ZNF469: variants seen among roughly 807,000 people sequenced by gnomAD.
The protein encoded by ZNF469 is zinc finger protein 469.
Under a neutral mutation model 1.0 loss-of-function variants are expected in ZNF469, and 1 was observed. The ratio of observed to expected loss-of-function variants is 1.00; its 90% CI spans 0.35 to 4.73. The LOEUF is 4.73. ZNF469 is among the 30% of genes most tolerant of loss of function. The probability of loss-of-function intolerance (pLI) is 0.16; values close to 1 mark genes in which losing one functional copy is unlikely to be tolerated. For synonymous variants in ZNF469, 2,703 were observed against 2,363.4 expected, an observed-to-expected ratio of 1.14 and a Z score of -4.17; for missense variants, 6,100 against 5,356.3, an observed-to-expected ratio of 1.14 and a Z score of -4.33.
chr16:88,396,527 C>CA (rs1904667489), intron 1 of ZNF469, among the ~76,000 whole-genome samples: 1 of 146,956 alleles, frequency 6.8e-6, no homozygotes, highest in Admixed American at 6.7e-5. Context: ...GGAGACCCGT[C>CA]TGAAGGGAGG....
At chr16:88,422,258 GAT>G (rs1428961241) in intron 1 of ZNF469, among the ~76,000 whole-genome samples, 2 of 150,890 alleles carry the variant, frequency 1.3e-5, no homozygotes, top group African/African-American at 4.9e-5. Context: ...AGCATGGATG[GAT>G]GGGTGGATGG....
the ZNF469 span, among the ~76,000 whole-genome samples, chr16:88,150,960 G>T: frequency 1.3e-5 from 2 of 152,298 alleles, no homozygotes; most frequent in African/African-American, 4.8e-5. Context: ...TCGAGCCATG[G>T]AGTTTGAAAG....
At chr16:88,358,227 G>T in the ZNF469 span, among the ~76,000 whole-genome samples, 2 of 152,198 alleles carry the variant, frequency 1.3e-5, no homozygotes, top group Non-Finnish European at 2.9e-5. Context: ...AACAGACTCA[G>T]CTCGGACCCC....
the ZNF469 span, among the ~76,000 whole-genome samples, chr16:88,186,736 C>T: frequency 0.013 from 2,042 of 152,296 alleles, 63 homozygotes; most frequent in African/African-American, 0.047. Flanking sequence ...GTGTGCAAGC[C>T]GCTCCGTGTT....
chr16:88,240,183 G>A, the ZNF469 span, among the ~76,000 whole-genome samples: 2 of 152,156 alleles, frequency 1.3e-5, no homozygotes, highest in Non-Finnish European at 2.9e-5. Flanking sequence ...TCAGCAGTGG[G>A]AGGTGCTCCC....
At chr16:88,375,846 G>C in the ZNF469 span, among the ~76,000 whole-genome samples, 1 of 152,214 alleles carries the variant, frequency 6.6e-6, no homozygotes, top group African/African-American at 2.4e-5. Flanking sequence ...GGAACGACTG[G>C]GCTCCAGCAG....
At chr16:88,334,844 CAT>C in the ZNF469 span, among the ~76,000 whole-genome samples, 5 of 151,938 alleles carry the variant, frequency 3.3e-5, no homozygotes, top group Admixed American at 6.5e-5. Context: ...CGGGAGGACA[CAT>C]GTGACAGAGA....
At chr16:88,382,063 G>A (rs1212573504), upstream of ZNF469, among the ~76,000 whole-genome samples, 1 of 152,228 alleles carries the variant, frequency 6.6e-6, no homozygotes. Flanking sequence ...TCCCCCCACT[G>A]CCACCCTATT....
rs1423135103 is a variant in ZNF469 at position 88,428,374 on chromosome 16, C to G, written c.904C>G (p.Leu302Val). 6.5e-7 allele frequency: 1 copy of G among 1,548,664 alleles called. No individual in the cohort carries two copies. Among genetic ancestry groups the G allele is most frequent in the Non-Finnish European group, 8.7e-7 (1 of 1,146,902 alleles). Residue 302 changes from leucine (L) to valine (V), a missense_variant, in exon 3 of 3, where the codon CTG (leucine) becomes GTG (valine). Leu to Val is a conservative substitution (Grantham distance 32, BLOSUM62 1). Transcript: ENST00000565624. ...TGGGCACGCATTCACCAATGGGCCA[C>G]TGGTGTTTGCCTTCCATCAGCCCCA... ...VAGHAFTNGP[L>V]VFAFHQPQGA...
chr16:88,289,282 ATG>A, the ZNF469 span, among the ~76,000 whole-genome samples: 8 of 148,696 alleles, frequency 5.4e-5, no homozygotes, highest in Admixed American at 2.0e-4. Context: ...GGTGAGGGTG[ATG>A]GTGATGATGA....
intron 1 of ZNF469, among the ~76,000 whole-genome samples, chr16:88,386,276 C>T (rs2092536615): frequency 6.6e-6 from 1 of 152,112 alleles, no homozygotes; most frequent in South Asian, 2.1e-4. Context: ...GTCCTGCATT[C>T]CAGGCCACAG....
the ZNF469 span, among the ~76,000 whole-genome samples, chr16:88,181,628 A>G: frequency 1.1e-3 from 171 of 152,352 alleles, no homozygotes; most frequent in African/African-American, 3.9e-3. Context: ...GAAAATACAT[A>G]TGACAATTTG....
chr16:88,387,213 G>C (rs372586495), intron 1 of ZNF469, among the ~76,000 whole-genome samples: 1 of 152,202 alleles, frequency 6.6e-6, no homozygotes, highest in Non-Finnish European at 1.5e-5. Context: ...CCCATCCTGC[G>C]TGCCTGCGGA....
the ZNF469 span, among the ~76,000 whole-genome samples, chr16:88,345,695 C>T: frequency 6.6e-6 from 1 of 152,210 alleles, no homozygotes; most frequent in Non-Finnish European, 1.5e-5. Flanking sequence ...AGGGCGCTTT[C>T]CAAAGCCTTG....
the ZNF469 span, among the ~76,000 whole-genome samples, chr16:88,151,431 C>T: frequency 3.3e-5 from 5 of 152,230 alleles, no homozygotes; most frequent in Admixed American, 2.6e-4. This position sits in a 1 kb window ranked among gnomAD's most constrained non-coding sequence, Gnocchi z 5.4. Flanking sequence ...AACGGCGGGA[C>T]AGAAATGGCC....
the ZNF469 span, among the ~76,000 whole-genome samples, chr16:88,109,886 C>A: frequency 0.034 from 5,138 of 152,276 alleles, 132 homozygotes; most frequent in South Asian, 0.075. Flanking sequence ...GCTTGCTCAC[C>A]TTTGGCCCCT....
chr16:88,204,610 T>C, the ZNF469 span, among the ~76,000 whole-genome samples: 1 of 152,212 alleles, frequency 6.6e-6, no homozygotes, highest in Non-Finnish European at 1.5e-5. Flanking sequence ...TCAAAATGGT[T>C]GTGAGCCGCC....
At chr16:88,197,732 C>A in the ZNF469 span, among the ~76,000 whole-genome samples, 122,835 of 152,138 alleles carry the variant, frequency 0.81, 50,239 homozygotes, top group Middle Eastern at 0.88. Flanking sequence ...TCGCAGGCCC[C>A]CCCAGGGCCG....
At chr16:88,230,606 ACGCC>A in the ZNF469 span, among the ~76,000 whole-genome samples, 96,949 of 142,960 alleles carry the variant, frequency 0.68, 42,356 homozygotes, top group Middle Eastern at 0.86. Flanking sequence ...GCCTCCGGGG[ACGCC>A]CCCTCTCCCG....
Sources: allele counts gnomAD v4.1 joint callset (sites outside exome capture counted in the v4.1 genomes callset), GRCh38; gene constraint gnomAD v4.1.1; non-coding constraint Gnocchi (gnomAD v3.1); transcripts MANE v1.5; gene names NCBI Gene and HGNC (gene_info 2026-07-23, HGNC 2026-07-21).